Variants in PXT1 observed in about 807,000 individuals in gnomAD.
PXT1 encodes peroxisomal testis enriched protein 1.
PXT1 carries 11 observed loss-of-function variants against 11.0 expected under a neutral mutation model. The observed-to-expected ratio is 1.00, with a 90% CI of 0.63 to 1.66. The LOEUF (loss-of-function observed/expected upper bound fraction) is 1.66. PXT1 is among the 40% of genes most tolerant of loss of function. The pLI is 0.00. For missense variants in PXT1, 141 were observed against 155.5 expected (o/e 0.91, Z 0.49); for synonymous variants, 43 against 51.4 (o/e 0.84, Z 0.70).
chr6:36,439,331 G>A (rs1470231461), intron 1 of PXT1, among the ~76,000 whole-genome samples: 1 of 151,740 alleles, frequency 6.6e-6, no homozygotes, highest in South Asian at 2.1e-4. Context: ...ATATAAGGTG[G>A]CTGGGAGTGG....
chr6:36,424,070 G>A (rs1268010916), intron 3 of PXT1, among the ~76,000 whole-genome samples: 1 of 152,230 alleles, frequency 6.6e-6, no homozygotes, highest in African/African-American at 2.4e-5. Context: ...CGCCTCGGAA[G>A]ACAGCGATCA....
intron 3 of PXT1, among the ~76,000 whole-genome samples, chr6:36,415,957 A>C (rs1276884848): frequency 1.3e-5 from 2 of 152,160 alleles, no homozygotes. Flanking sequence ...TGAAGACATC[A>C]ATTTTGTATA....
At chr6:36,408,523 T>C (rs1033460042) in intron 3 of PXT1, among the ~76,000 whole-genome samples, 4 of 151,640 alleles carry the variant, frequency 2.6e-5, no homozygotes, top group African/African-American at 7.3e-5. Context: ...CCTCTCAAAG[T>C]ACTGAGATTA....
chr6:36,431,339 A>G (rs1774688939), intron 2 of PXT1, among the ~76,000 whole-genome samples: 1 of 152,182 alleles, frequency 6.6e-6, no homozygotes, highest in African/African-American at 2.4e-5. Flanking sequence ...AAAAATATTG[A>G]TCTTTTACTG....
rs763295830 is a variant in PXT1, at chr6:36,391,746, G to A, written c.*24C>T. ...AGAGGGTAAAAAGAAAACAGAACTT[G>A]ACCACTTGACCTTTACTTTCCTTTT... On this transcript the variant is annotated 3_prime_UTR_variant, in exon 5 of 5. Transcript: ENST00000454782. 5 of 1,472,722 alleles carry A rather than the reference G, an allele frequency of 3.4e-6. No homozygotes were observed. Among genetic ancestry groups the A allele is most frequent in the Middle Eastern group, 1.7e-4 (1 of 5,752 alleles). The allele number at this position is 1,472,722 out of a possible 1,614,324, so 91.2% of individuals were successfully genotyped here.
intron 3 of PXT1, among the ~76,000 whole-genome samples, chr6:36,405,766 C>A (rs1288146077): frequency 6.6e-6 from 1 of 152,132 alleles, no homozygotes; most frequent in Non-Finnish European, 1.5e-5. Flanking sequence ...TAAAAGATAA[C>A]CACTTTTTAC....
chr6:36,402,767 C>T (rs1438641601), intron 3 of PXT1, among the ~76,000 whole-genome samples: 4 of 151,956 alleles, frequency 2.6e-5, no homozygotes, highest in Non-Finnish European at 5.9e-5. Flanking sequence ...GGAGACAAAG[C>T]TAATAGAGAA....
At position 36,426,039 on chromosome 6, in the gene PXT1, A is replaced by G. The variant is rs664370; in HGVS notation, c.44T>C (p.Val15Ala). 521,832 of 1,519,460 alleles carry G rather than the reference A, an allele frequency of 0.34. 96,894 individuals are homozygous for G. Among genetic ancestry groups the G allele is most frequent in the African/African-American group, 0.62 (44,402 of 72,042 alleles). 94.1% of individuals were successfully genotyped at this position (1,519,460 alleles called of 1,614,324 possible). Reference sequence around the variant, plus strand: ...TGTTACTTTGGGAGATGGATTGAGAACTTCTTTAGTTTCATAAACAATGCC... The same window carrying G: ...TGTTACTTTGGGAGATGGATTGAGAGCTTCTTTAGTTTCATAAACAATGCC... ...HDGIVYETKE[V>A]LNPSPKVTHC... The change falls in exon 3 of 5, where the codon GTT becomes GCT. Residue 15 changes from valine (V) to alanine (A), a missense_variant. Val to Ala is a moderately conservative substitution (Grantham distance 64). Transcript: ENST00000454782.
rs755004665 is a variant in PXT1 at position 36,400,530 on chromosome 6, T to A, written c.224A>T (p.Gln75Leu). 1 of 1,613,968 alleles carries A rather than the reference T, an allele frequency of 6.2e-7. No individual in the cohort carries two copies. The change falls in exon 4 of 5, where the codon CAG becomes CTG. Residue 75 changes from glutamine to leucine, a missense_variant. Transcript: ENST00000454782. ...KEHSIVQKHH[Q>L]EEIIHKLAMQ... ...GGCCAACTTGTGAATTATTTCCTCCTGGTGATGCTTCTGAACAATGCTATG... is the reference window on the plus strand; with the variant it reads ...GGCCAACTTGTGAATTATTTCCTCCAGGTGATGCTTCTGAACAATGCTATG...
intron 2 of PXT1, among the ~76,000 whole-genome samples, chr6:36,431,334 T>C (rs966485964): frequency 1.3e-5 from 2 of 152,070 alleles, no homozygotes; most frequent in African/African-American, 4.8e-5. Flanking sequence ...CAATGAAAAA[T>C]ATTGATCTTT....
At chr6:36,442,325 G>A (rs756450651) in intron 1 of PXT1, among the ~76,000 whole-genome samples, 10 of 152,088 alleles carry the variant, frequency 6.6e-5, no homozygotes, top group South Asian at 2.1e-4. Flanking sequence ...CACCAAGCCC[G>A]GCCTAGTGTA....
chr6:36,440,024 G>T (rs1479402310), intron 1 of PXT1, among the ~76,000 whole-genome samples: 1 of 152,184 alleles, frequency 6.6e-6, no homozygotes, highest in East Asian at 1.9e-4. Flanking sequence ...CTTGAGCCCA[G>T]GAGGTTGAGG....
chr6:36,411,574 AC>A (rs1417679850), intron 3 of PXT1, among the ~76,000 whole-genome samples: 2 of 152,188 alleles, frequency 1.3e-5, no homozygotes, highest in Non-Finnish European at 2.9e-5. Context: ...AGTTATTACT[AC>A]CCATCTGGGG....
At chr6:36,411,379 A>T (rs1272521422) in intron 3 of PXT1, among the ~76,000 whole-genome samples, 1 of 152,170 alleles carries the variant, frequency 6.6e-6, no homozygotes, top group Non-Finnish European at 1.5e-5. Context: ...TGAACCCAGG[A>T]GGTGGAGGTT....
intron 4 of PXT1, chr6:36,393,008 G>C (rs1199569314): frequency 6.6e-6 from 1 of 151,208 alleles, no homozygotes; most frequent in East Asian, 1.9e-4. Flanking sequence ...TTTCGCTCTT[G>C]TTGACCAGGC....
chr6:36,403,212 T>C (rs978349512), intron 3 of PXT1, among the ~76,000 whole-genome samples: 6 of 152,162 alleles, frequency 3.9e-5, no homozygotes, highest in East Asian at 1.9e-4. Flanking sequence ...AGTTTGAGGA[T>C]TGATGGTTTA....
At chr6:36,393,850 T>G (rs985558756) in intron 4 of PXT1, among the ~76,000 whole-genome samples, 25 of 152,208 alleles carry the variant, frequency 1.6e-4, no homozygotes, top group African/African-American at 6.0e-4. Context: ...TATCTCTATC[T>G]GATAAACTAC....
intron 2 of PXT1, among the ~76,000 whole-genome samples, chr6:36,428,758 TTG>T (rs1299277718): frequency 1.5e-4 from 22 of 150,714 alleles, no homozygotes; most frequent in African/African-American, 4.7e-4. Flanking sequence ...TTTTTTTTTT[TTG>T]AGACGGAGTC....
intron 2 of PXT1, among the ~76,000 whole-genome samples, chr6:36,430,004 C>T (rs975024088): frequency 6.6e-6 from 1 of 150,554 alleles, no homozygotes; most frequent in African/African-American, 2.5e-5. Flanking sequence ...ATCAGGAGCT[C>T]GAGAGTAGCC....
Sources: gnomAD v4.1 joint callset for allele counts (sites outside exome capture counted in the v4.1 genomes callset) on GRCh38, gnomAD v4.1.1 for gene constraint, MANE v1.5 for transcripts, NCBI Gene and HGNC (gene_info 2026-07-23, HGNC 2026-07-21) for gene names.